FAM13A: variants seen among roughly 807,000 people sequenced by gnomAD.
FAM13A encodes the protein family with sequence similarity 13 member A.
In FAM13A, 76 loss-of-function variants were observed where a neutral mutation model predicts 129.6. The ratio of observed to expected loss-of-function variants is 0.59; its 90% confidence interval spans 0.49 to 0.71. FAM13A has a LOEUF of 0.71. FAM13A is among the 30% of genes least tolerant of loss of function. FAM13A has a pLI of 0.00. For synonymous variants in FAM13A, 443 were observed against 449.9 expected, an observed-to-expected ratio of 0.98 and a Z score of 0.20; for missense variants, 1,108 against 1,249.3, an observed-to-expected ratio of 0.89 and a Z score of 1.70.
At position 88,937,855 on chromosome 4, in the gene FAM13A, G is replaced by C. The variant is rs1270415460; in HGVS notation, c.759+233C>G. ...ACTGGGCTCATGCAAGTGTTTTTGA[G>C]ATGACTTTATAGCAACAAGAAAACA... is the stretch of plus-strand genomic sequence containing the variant. On this transcript the variant is annotated intron_variant, in intron 5 of 23. Transcript: ENST00000264344. 12 of 555,206 alleles carry C rather than the reference G, an allele frequency of 2.2e-5. No individual in the cohort carries two copies. In the Admixed American group the frequency reaches 2.6e-4, roughly 12 times the overall value. The allele number at this position is 555,206 out of a possible 1,614,324, so 34.4% of individuals were successfully genotyped here.
chr4:88,881,718 A>C (rs1743599614), intron 6 of FAM13A, among the ~76,000 whole-genome samples: 1 of 152,202 alleles, frequency 6.6e-6, no homozygotes, highest in Admixed American at 6.5e-5. Flanking sequence ...AACTTAATGA[A>C]ACAAAAAAAA....
intron 1 of FAM13A, among the ~76,000 whole-genome samples, chr4:89,044,145 G>T (rs1770533421): frequency 6.9e-6 from 1 of 145,482 alleles, no homozygotes; most frequent in Admixed American, 6.8e-5. Context: ...ACATAGAATA[G>T]AATCCTATAG....
chr4:88,758,082 A>C (rs943353593), intron 14 of FAM13A, among the ~76,000 whole-genome samples: 7 of 152,084 alleles, frequency 4.6e-5, no homozygotes, highest in African/African-American at 1.7e-4. Context: ...GCTTGATAAA[A>C]CTGCTGCAAT....
chr4:89,037,213 T>A (rs1769500123), intron 1 of FAM13A, among the ~76,000 whole-genome samples: 1 of 152,208 alleles, frequency 6.6e-6, no homozygotes, highest in Non-Finnish European at 1.5e-5. Flanking sequence ...ACTGAGGTGC[T>A]GTACCCTATA....
At position 88,898,882 on chromosome 4, in the gene FAM13A, A is replaced by G. The variant is rs540130088; in HGVS notation, c.843+7497T>C. On this transcript the variant is annotated intron_variant, in intron 6 of 23. Coordinates refer to ENST00000264344, the MANE Select transcript of FAM13A (RefSeq NM_014883.4). Reference sequence around the variant, plus strand: ...TGTGGTGATTCCTTAAAGAAGTAAAAGCAGAACTACCATTTGATCCAGTAA... The same window carrying G: ...TGTGGTGATTCCTTAAAGAAGTAAAGGCAGAACTACCATTTGATCCAGTAA... Among the ~76,000 whole-genome samples the G allele has an allele frequency of 2.0e-5, 3 of 152,256 alleles. No individual in the cohort carries two copies. In the East Asian group the frequency reaches 5.8e-4, roughly 29 times the overall value.
chr4:88,814,407 G>T (rs1012804765), intron 7 of FAM13A, among the ~76,000 whole-genome samples: 2 of 151,948 alleles, frequency 1.3e-5, no homozygotes, highest in Admixed American at 1.3e-4. Flanking sequence ...AGAGAGAGAA[G>T]AGAGAATGTG....
At chr4:88,737,828 G>A (rs1036227075) in intron 20 of FAM13A, among the ~76,000 whole-genome samples, 3 of 152,166 alleles carry the variant, frequency 2.0e-5, no homozygotes, top group African/African-American at 7.2e-5. Context: ...AGAAACCCGA[G>A]GAGAAACACC....
intron 10 of FAM13A, among the ~76,000 whole-genome samples, chr4:88,784,955 A>G (rs1374909846): frequency 6.6e-6 from 1 of 152,194 alleles, no homozygotes; most frequent in Non-Finnish European, 1.5e-5. Flanking sequence ...ATTGTAGCAA[A>G]TAGTAATATA....
At chr4:88,870,870 G>A (rs1741267948) in intron 6 of FAM13A, among the ~76,000 whole-genome samples, 1 of 152,212 alleles carries the variant, frequency 6.6e-6, no homozygotes, top group South Asian at 2.1e-4. Flanking sequence ...CCTCCCAGTA[G>A]GGGGCAACTG....
intron 13 of FAM13A, among the ~76,000 whole-genome samples, chr4:88,764,347 T>G (rs1043248371): frequency 1.3e-5 from 2 of 152,186 alleles, no homozygotes; most frequent in African/African-American, 4.8e-5. Context: ...TAAAATGATC[T>G]CTCCCAGATA....
chr4:88,869,169 G>T (rs1740942708), intron 6 of FAM13A, among the ~76,000 whole-genome samples: 1 of 152,136 alleles, frequency 6.6e-6, no homozygotes, highest in Admixed American at 6.5e-5. Context: ...ATATATCATT[G>T]CCTGGACAAC....
At chr4:88,762,881 C>T (rs1462642330) in intron 13 of FAM13A, among the ~76,000 whole-genome samples, 1 of 152,092 alleles carries the variant, frequency 6.6e-6, no homozygotes, top group Admixed American at 6.5e-5. Flanking sequence ...TCTGTTAAAT[C>T]ACAAAGTAAA....
At chr4:88,871,122 C>T (rs1359474204) in intron 6 of FAM13A, among the ~76,000 whole-genome samples, 1 of 152,202 alleles carries the variant, frequency 6.6e-6, no homozygotes, top group African/African-American at 2.4e-5. Context: ...AGGACATCCA[C>T]ACCAAAACCC....
At chr4:89,045,067 G>C (rs1168611100) in intron 1 of FAM13A, among the ~76,000 whole-genome samples, 1 of 152,086 alleles carries the variant, frequency 6.6e-6, no homozygotes, top group African/African-American at 2.4e-5. Context: ...GGTTAAAATA[G>C]TAAATTTTAT....
At chr4:89,031,115 T>G (rs940499799) in intron 1 of FAM13A, among the ~76,000 whole-genome samples, 1 of 152,162 alleles carries the variant, frequency 6.6e-6, no homozygotes, top group Admixed American at 6.5e-5. Flanking sequence ...AAATTATGAT[T>G]TTGTTAATTA....
intron 6 of FAM13A, among the ~76,000 whole-genome samples, chr4:88,862,933 A>C (rs1309659650): frequency 6.6e-6 from 1 of 151,878 alleles, no homozygotes; most frequent in East Asian, 1.9e-4. Context: ...AAAAAAAAAA[A>C]ACTATGTTTT....
intron 4 of FAM13A, among the ~76,000 whole-genome samples, chr4:88,946,915 G>C (rs756858216): frequency 6.6e-6 from 1 of 152,044 alleles, no homozygotes; most frequent in African/African-American, 2.4e-5. Flanking sequence ...AGAAATGCAA[G>C]ATCATATATA....
At chr4:89,047,782 G>C (rs1327148643) in intron 1 of FAM13A, among the ~76,000 whole-genome samples, 1 of 152,070 alleles carries the variant, frequency 6.6e-6, no homozygotes, top group Non-Finnish European at 1.5e-5. Context: ...CTTGTATCCA[G>C]AACATAAAGA....
intron 6 of FAM13A, among the ~76,000 whole-genome samples, chr4:88,864,555 C>T (rs1351825894): frequency 2.0e-5 from 3 of 151,924 alleles, no homozygotes; most frequent in African/African-American, 4.8e-5. Flanking sequence ...ACTACAGGCA[C>T]GCGCCACCAC....
Sources: allele counts gnomAD v4.1 joint callset (sites outside exome capture counted in the v4.1 genomes callset), GRCh38; gene constraint gnomAD v4.1.1; transcripts MANE v1.5; gene names NCBI Gene and HGNC (gene_info 2026-07-23, HGNC 2026-07-21).